Variants in PHF8 observed in about 807,000 individuals in gnomAD.
The protein encoded by PHF8 is histone lysine demethylase PHF8.
PHF8 carries 9 observed loss-of-function variants against 74.4 expected under a neutral mutation model. The observed-to-expected ratio is 0.12, with a 90% CI of 0.07 to 0.21. The LOEUF is 0.21. Among genes scored for constraint, PHF8 ranks in the 10% least tolerant of loss-of-function variants. The probability of loss-of-function intolerance (pLI) is 1.00; values close to 1 mark genes in which losing one functional copy is unlikely to be tolerated. For synonymous variants in PHF8, 311 were observed against 316.6 expected (o/e 0.98, Z 0.19); for missense variants, 478 against 816.6 (o/e 0.59, Z 5.05).
intron 2 of PHF8, among the ~76,000 whole-genome samples, chrX:54,029,078 A>T (rs1557111978): frequency 8.9e-6 from 1 of 112,162 alleles, no homozygotes; most frequent in Non-Finnish European, 1.9e-5. Context: ...TGTTGTTATT[A>T]TCCAAGTTAT....
At chrX:53,980,014 T>C (rs1276915253) in intron 18 of PHF8, among the ~76,000 whole-genome samples, 3 of 110,873 alleles carry the variant, frequency 2.7e-5, no homozygotes, top group African/African-American at 9.9e-5. Flanking sequence ...AGCTAGAGAC[T>C]CCCCTGAACT....
chrX:54,011,385 T>C, intron 7 of PHF8, 101 bp from the exon 8 acceptor site: 2 of 674,287 alleles, frequency 3.0e-6, no homozygotes. Context: ...TCCAAAACGA[T>C]GGCAATATGC....
intron 10 of PHF8, 93 bp from the exon 11 acceptor site, chrX:54,000,054 T>C (rs781986282): frequency 1.8e-6 from 1 of 566,433 alleles, no homozygotes; most frequent in African/African-American, 2.2e-5. Flanking sequence ...GAGAAAATGC[T>C]CAAGGTTCTG....
At chrX:53,987,040 A>T in intron 16 of PHF8, 38 bp downstream of exon 16, 1 of 841,340 alleles carries the variant, frequency 1.2e-6, no homozygotes, top group Non-Finnish European at 1.8e-6. Context: ...CTCTATCACC[A>T]GAATGAGCAG....
chrX:53,953,477 C>G (rs1438427679), intron 19 of PHF8, among the ~76,000 whole-genome samples: 1 of 109,152 alleles, frequency 9.2e-6, no homozygotes. Context: ...CCCAACTCTA[C>G]TAAAAATATA....
intron 2 of PHF8, among the ~76,000 whole-genome samples, chrX:54,039,018 C>G (rs782404589): frequency 2.8e-5 from 3 of 108,277 alleles, no homozygotes; most frequent in Admixed American, 1.0e-4. Context: ...CCTGTAATCC[C>G]AACTACTCAG....
intron 19 of PHF8, among the ~76,000 whole-genome samples, chrX:53,954,877 C>A (rs999117529): frequency 9.0e-6 from 1 of 111,240 alleles, no homozygotes; most frequent in African/African-American, 3.3e-5. Context: ...GAATTCCCCA[C>A]AAAATTCCAT....
intron 7 of PHF8, among the ~76,000 whole-genome samples, chrX:54,012,893 T>A (rs1448141358): frequency 1.0e-5 from 1 of 100,024 alleles, no homozygotes; most frequent in Non-Finnish European, 2.0e-5. Context: ...TGAGCCATGA[T>A]CATGCCACTG....
At chrX:53,967,337 G>A (rs1404880899) in intron 18 of PHF8, among the ~76,000 whole-genome samples, 8 of 101,953 alleles carry the variant, frequency 7.8e-5, no homozygotes, top group East Asian at 3.2e-4. Context: ...CCCCCCGCCC[G>A]GCCAGCCGCC....
At chrX:53,965,707 GA>G (rs1283252067) in intron 18 of PHF8, among the ~76,000 whole-genome samples, 1 of 111,939 alleles carries the variant, frequency 8.9e-6, no homozygotes, top group Non-Finnish European at 1.9e-5. Context: ...GCACAATAAG[GA>G]ATACAATCTT....
chrX:53,975,101 T>C (rs939934462), intron 18 of PHF8, among the ~76,000 whole-genome samples: 14 of 111,872 alleles, frequency 1.3e-4, no homozygotes, highest in African/African-American at 6.5e-5. Context: ...ATGGGGAAAA[T>C]GTCCAATATC....
chrX:54,004,481 G>A (rs1374386356), intron 8 of PHF8, among the ~76,000 whole-genome samples: 1 of 111,589 alleles, frequency 9.0e-6, no homozygotes, highest in Non-Finnish European at 1.9e-5. Context: ...GACAAATATA[G>A]AATTATGTAA....
At chrX:53,976,879 G>T (rs1421838887) in intron 18 of PHF8, among the ~76,000 whole-genome samples, 1 of 111,348 alleles carries the variant, frequency 9.0e-6, no homozygotes, top group Non-Finnish European at 1.9e-5. Flanking sequence ...ATATGAAATG[G>T]ACCAATTCCT....
chrX:53,946,565 A>G (rs1485088265), intron 19 of PHF8, among the ~76,000 whole-genome samples: 2 of 112,327 alleles, frequency 1.8e-5, no homozygotes, highest in Admixed American at 9.5e-5. Flanking sequence ...GACATGCTAC[A>G]GGGCAATTAC....
chrX:54,028,213 C>T (rs979945786), intron 2 of PHF8, among the ~76,000 whole-genome samples: 1 of 111,111 alleles, frequency 9.0e-6, no homozygotes, highest in Non-Finnish European at 1.9e-5. Context: ...TCCCTAGACT[C>T]CGAAGGTAGC....
At chrX:54,026,068 G>C (rs1557111356) in intron 2 of PHF8, among the ~76,000 whole-genome samples, 1 of 111,452 alleles carries the variant, frequency 9.0e-6, no homozygotes, top group East Asian at 2.8e-4. Flanking sequence ...AAAATATTTG[G>C]ATTGGCCAGG....
At position 54,013,857 on chromosome X, in the gene PHF8, T is replaced by C. The variant is rs782479702; in HGVS notation, c.783+520A>G. ...TCAAATAAATAAATAAAATCTTTGT[T>C]TTTACTCTGCCTCAACAACAACAAA... On this transcript the variant is annotated intron_variant, in intron 7 of 21. Transcript: ENST00000338154. Among the ~76,000 whole-genome samples, 3 of 111,309 alleles carry C rather than the reference T, an allele frequency of 2.7e-5. No individual in the cohort carries two copies. The South Asian group carries it at 1.1e-3, about 43-fold the overall frequency.
chrX:53,975,654 T>C (rs2065361912), intron 18 of PHF8, among the ~76,000 whole-genome samples: 3 of 112,066 alleles, frequency 2.7e-5, no homozygotes, highest in African/African-American at 6.5e-5. Flanking sequence ...TTCTCACTCA[T>C]ATGTGAGAGC....
At chrX:53,987,684 G>GGGCAACAAGT (rs1167400824) in intron 15 of PHF8, 82 bp downstream of exon 15, 1 of 883,688 alleles carries the variant, frequency 1.1e-6, no homozygotes, top group Non-Finnish European at 1.6e-6. Context: ...ACTCCAGCCT[G>GGGCAACAAGT]GGCAACAAGA....
Sources: allele counts gnomAD v4.1 joint callset (sites outside exome capture counted in the v4.1 genomes callset), GRCh38; gene constraint gnomAD v4.1.1; transcripts MANE v1.5; gene names NCBI Gene and HGNC (gene_info 2026-07-23, HGNC 2026-07-21).